FAM135B: variants seen among roughly 807,000 people sequenced by gnomAD.
FAM135B encodes the protein family with sequence similarity 135 member B, also known as protein FAM135B.
A neutral mutation model predicts 127.7 loss-of-function variants in FAM135B; 43 were observed. The ratio of observed to expected loss-of-function variants is 0.34; its 90% CI spans 0.26 to 0.43. The LOEUF (loss-of-function observed/expected upper bound fraction) is 0.43. Among genes scored for constraint, FAM135B ranks in the 20% least tolerant of loss-of-function variants. The probability of loss-of-function intolerance (pLI) is 1.00; values close to 1 mark genes in which losing one functional copy is unlikely to be tolerated. For synonymous variants in FAM135B, 670 were observed against 665.1 expected, an observed-to-expected ratio of 1.01 and a Z score of -0.11; for missense variants, 1,558 against 1,725.6, an observed-to-expected ratio of 0.90 and a Z score of 1.72.
At chr8:138,195,491 A>G (rs1816536969) in intron 8 of FAM135B, among the ~76,000 whole-genome samples, 184 bp from the exon 9 acceptor site, 1 of 139,968 alleles carries the variant, frequency 7.1e-6, no homozygotes, top group South Asian at 2.3e-4. Flanking sequence ...AATGAACCTG[A>G]TTGGAGCCAT....
At chr8:138,207,956 A>G (rs1817830475) in intron 7 of FAM135B, among the ~76,000 whole-genome samples, 1 of 152,190 alleles carries the variant, frequency 6.6e-6, no homozygotes, top group Admixed American at 6.5e-5. Flanking sequence ...TTGCCCAAAG[A>G]CATAAACAAA....
chr8:138,487,741 T>C (rs112236404), intron 1 of FAM135B, among the ~76,000 whole-genome samples: 8,874 of 151,990 alleles, frequency 0.058, 844 homozygotes, highest in African/African-American at 0.2. Flanking sequence ...GGGGCTCATG[T>C]CCATAATCCC....
intron 1 of FAM135B, among the ~76,000 whole-genome samples, chr8:138,417,309 G>T (rs1045341325): frequency 6.6e-6 from 1 of 152,174 alleles, no homozygotes; most frequent in Non-Finnish European, 1.5e-5. Context: ...CCAGGCACCT[G>T]CCAGTGGCCT....
intron 2 of FAM135B, among the ~76,000 whole-genome samples, chr8:138,330,706 C>T (rs2130991332): frequency 6.6e-6 from 1 of 152,262 alleles, no homozygotes. Context: ...AAGGCAGCTC[C>T]AACCACTCTT....
chr8:138,453,930 C>T (rs1836633995), intron 1 of FAM135B, among the ~76,000 whole-genome samples: 2 of 152,060 alleles, frequency 1.3e-5, no homozygotes, highest in African/African-American at 4.8e-5. Flanking sequence ...TTTTGCCAAA[C>T]TTACCCTCTC....
intron 3 of FAM135B, among the ~76,000 whole-genome samples, chr8:138,273,322 C>T (rs1471579663): frequency 6.6e-6 from 1 of 152,216 alleles, no homozygotes; most frequent in East Asian, 1.9e-4. Flanking sequence ...TCTCCTGCCT[C>T]AGCCTCCTGA....
At chr8:138,415,828 A>G (rs1834113131) in intron 1 of FAM135B, among the ~76,000 whole-genome samples, 1 of 152,204 alleles carries the variant, frequency 6.6e-6, no homozygotes, top group Admixed American at 6.5e-5. Flanking sequence ...TCACATCCCC[A>G]TAGGCCCATC....
intron 17 of FAM135B, among the ~76,000 whole-genome samples, chr8:138,139,496 G>A (rs1022777002): frequency 1.3e-5 from 2 of 152,178 alleles, no homozygotes; most frequent in African/African-American, 4.8e-5. Flanking sequence ...CTGTTGGCTG[G>A]GCATGGTGGC....
intron 3 of FAM135B, among the ~76,000 whole-genome samples, chr8:138,277,246 C>T (rs1823896947): frequency 6.6e-6 from 1 of 152,198 alleles, no homozygotes; most frequent in South Asian, 2.1e-4. Context: ...CAGCTCCTCT[C>T]TCTGCTGCTA....
At chr8:138,382,546 A>T (rs937551947) in intron 1 of FAM135B, among the ~76,000 whole-genome samples, 3 of 152,138 alleles carry the variant, frequency 2.0e-5, no homozygotes, top group African/African-American at 7.2e-5. Flanking sequence ...TTTCATGGCC[A>T]CTAGTCCTGT....
At position 138,242,109 on chromosome 8, in the gene FAM135B, T is replaced by C. The variant is rs1251256903; in HGVS notation, c.669+833A>G. On this transcript the variant is annotated intron_variant, in intron 7 of 19. Transcript: ENST00000395297. This position sits in a 1 kb window ranked among gnomAD's most constrained non-coding sequence, Gnocchi z 9.6. ...GGTCTCCAGCTTGCTGACTGAAGAT[T>C]TGGGGGCTTCTCAGCCTTCAAAATC... is the stretch of plus-strand genomic sequence containing the variant. 6.6e-6 allele frequency among the ~76,000 whole-genome samples: 1 copy of C among 151,376 alleles called. No individual in the cohort carries two copies. Among genetic ancestry groups the C allele is most frequent in the African/African-American group, 2.4e-5 (1 of 41,168 alleles).
intron 2 of FAM135B, among the ~76,000 whole-genome samples, chr8:138,340,700 A>G (rs2131056226): frequency 6.6e-6 from 1 of 152,058 alleles, no homozygotes; most frequent in Middle Eastern, 3.4e-3. Flanking sequence ...GCTCTCCCAC[A>G]TCCATCCCCT....
chr8:138,314,697 A>AAATAAATAAATAAATG (rs1382695470), intron 2 of FAM135B, among the ~76,000 whole-genome samples: 4 of 146,488 alleles, frequency 2.7e-5, no homozygotes, highest in Non-Finnish European at 6.0e-5. Flanking sequence ...TCCCTACAAT[A>AAATAAATAAATAAATG]AATAAATAAA....
At chr8:138,461,671 A>G (rs1458702975) in intron 1 of FAM135B, among the ~76,000 whole-genome samples, 2 of 152,128 alleles carry the variant, frequency 1.3e-5, no homozygotes, top group Admixed American at 1.3e-4. Flanking sequence ...GAATAGGATC[A>G]CTCTCTGATA....
At chr8:138,270,802 T>C (rs1180604493) in intron 3 of FAM135B, among the ~76,000 whole-genome samples, 2 of 152,224 alleles carry the variant, frequency 1.3e-5, no homozygotes, top group Non-Finnish European at 2.9e-5. Context: ...ACAATGGCAA[T>C]TAAAGCTTCC....
rs371969396 is a variant in FAM135B at position 138,148,602 on chromosome 8, A to G, written c.3366T>C (p.Asp1122=). ...LYSDLTVLAS[D]IPYFPPEEEE... Reference sequence around the variant, plus strand: ...CTTCCTCTGGTGGGAAATATGGTATATCAGAAGCTAGTACAGTTAAGTCAC... The same window carrying G: ...CTTCCTCTGGTGGGAAATATGGTATGTCAGAAGCTAGTACAGTTAAGTCAC... Residue 1122 remains aspartate, a synonymous_variant, in exon 14 of 20, where the codon GAT becomes GAC. Transcript: ENST00000395297. 22 of 1,612,852 alleles carry G rather than the reference A, an allele frequency of 1.4e-5. No individual in the cohort carries two copies. Among genetic ancestry groups the G allele is most frequent in the African/African-American group, 2.7e-5 (2 of 74,900 alleles).
intron 3 of FAM135B, among the ~76,000 whole-genome samples, chr8:138,295,893 A>T (rs1407923384): frequency 1.3e-5 from 2 of 152,200 alleles, no homozygotes; most frequent in Non-Finnish European, 2.9e-5. Flanking sequence ...AAATAAAAAA[A>T]TTGAGGGGCA....
intron 1 of FAM135B, among the ~76,000 whole-genome samples, chr8:138,423,729 GCAGA>G (rs1834666033): frequency 6.6e-6 from 1 of 152,152 alleles, no homozygotes; most frequent in African/African-American, 2.4e-5. Context: ...GGGTTTGAGA[GCAGA>G]CAACCTATCT....
chr8:138,319,608 A>C (rs186932881), intron 2 of FAM135B, among the ~76,000 whole-genome samples: 15 of 152,328 alleles, frequency 9.8e-5, no homozygotes, highest in Non-Finnish European at 1.9e-4. Flanking sequence ...TCAGTAGCCT[A>C]GATTTGCACA....
Sources: allele counts gnomAD v4.1 joint callset (sites outside exome capture counted in the v4.1 genomes callset), GRCh38; gene constraint gnomAD v4.1.1; non-coding constraint Gnocchi (gnomAD v3.1); transcripts MANE v1.5; gene names NCBI Gene and HGNC (gene_info 2026-07-23, HGNC 2026-07-21).